Variants in RIPOR3 observed in about 807,000 individuals in gnomAD.
RIPOR3 encodes the protein RIPOR family member 3, also known as family with sequence similarity 65 member C.
Under a neutral mutation model 114.3 loss-of-function variants are expected in RIPOR3, and 95 were observed. The ratio of observed to expected loss-of-function variants is 0.83; its 90% CI spans 0.70 to 0.99. The LOEUF (loss-of-function observed/expected upper bound fraction) is 0.99, where lower values mean the gene tolerates loss of function less well. Among genes scored for constraint, RIPOR3 ranks in the 50% least tolerant of loss-of-function variants. RIPOR3 has a pLI of 0.00. For synonymous variants in RIPOR3, 575 were observed against 543.8 expected (o/e 1.06, Z -0.80); for missense variants, 1,252 against 1,266.9 (o/e 0.99, Z 0.18).
chr20:50,653,126 TATAAAAGGGACCA>T, intron 1 of RIPOR3: 1 of 152,132 alleles, frequency 6.6e-6, no homozygotes, highest in East Asian at 1.9e-4. Context: ...TATAGGGCCA[TATAAAAGGGACCA>T]AGCCCTGATG....
chr20:50,638,280 G>A (rs1184355203), intron 1 of RIPOR3, among the ~76,000 whole-genome samples: 8 of 152,194 alleles, frequency 5.3e-5, no homozygotes, highest in Non-Finnish European at 1.0e-4. Context: ...TGTCCCCTGC[G>A]CTCCACTGTC....
In RIPOR3 at chr20:50,643,002, T is replaced by A. The variant is rs1224525794; in HGVS notation, c.4-12146A>T. ...GGCAGAGGTTGCGGTGAGCCGAGAT[T>A]GCACCATTGCACTCCAGACTGGGCA... is the stretch of plus-strand genomic sequence containing the variant. On this transcript the variant is annotated intron_variant, in intron 1 of 21. Transcript: ENST00000327979. Among the ~76,000 whole-genome samples, 4 of 151,898 alleles carry A rather than the reference T, an allele frequency of 2.6e-5. No individual in the cohort carries two copies. The East Asian group carries it at 7.8e-4, about 30-fold the overall frequency.
intron 3 of RIPOR3, among the ~76,000 whole-genome samples, chr20:50,617,855 T>C (rs1032958751): frequency 6.7e-6 from 1 of 149,926 alleles, no homozygotes; most frequent in Non-Finnish European, 1.5e-5. Context: ...AACTCCTGAA[T>C]TCGTGATCCG....
intron 2 of RIPOR3, among the ~76,000 whole-genome samples, chr20:50,624,008 G>GT (rs147642297): frequency 0.13 from 19,860 of 151,866 alleles, 1,526 homozygotes; most frequent in African/African-American, 0.21. Flanking sequence ...AGTAATTTTT[G>GT]TTTTTTTTAG....
At chr20:50,637,020 G>T in intron 1 of RIPOR3, 2 of 686,292 alleles carry the variant, frequency 2.9e-6, no homozygotes, top group Non-Finnish European at 3.6e-6. Flanking sequence ...GGTTTCGCAT[G>T]AAAGGAAATG....
At chr20:50,651,803 G>T (rs1000198466) in intron 1 of RIPOR3, among the ~76,000 whole-genome samples, 21 of 152,206 alleles carry the variant, frequency 1.4e-4, no homozygotes, top group African/African-American at 4.3e-4. Context: ...TAACACCAAT[G>T]CACCTGTGTT....
chr20:50,625,956 G>A (rs1264588803), intron 2 of RIPOR3, among the ~76,000 whole-genome samples: 2 of 152,256 alleles, frequency 1.3e-5, no homozygotes, highest in Admixed American at 1.3e-4. Context: ...CCTGTCTATA[G>A]TGAAAGGGGT....
rs201227209 is a variant in RIPOR3 at position 50,592,396 on chromosome 20, G to T, written c.2525C>A (p.Ala842Glu). 2 of 1,608,480 alleles carry T rather than the reference G, an allele frequency of 1.2e-6. No individual in the cohort carries two copies. Among genetic ancestry groups the T allele is most frequent in the Non-Finnish European group, 1.7e-6 (2 of 1,176,412 alleles). The change falls in exon 19 of 22, where the codon GCG (alanine) becomes GAG (glutamate). Residue 842 changes from alanine to glutamate, a missense_variant. Transcript: ENST00000327979. ...TGCACCAGCCAGGCGAGCGCTGGCC[G>T]CCCTGCACACCCTCGGAGTGCCGTC... ...QLDGTPRVCR[A>E]ASARLAGAVR...
intron 3 of RIPOR3, among the ~76,000 whole-genome samples, chr20:50,618,152 A>G (rs1403793564): frequency 1.3e-5 from 2 of 151,988 alleles, no homozygotes; most frequent in Non-Finnish European, 2.9e-5. Flanking sequence ...CTGTAGTCCC[A>G]GCTCCTCAGA....
intron 2 of RIPOR3, among the ~76,000 whole-genome samples, chr20:50,625,597 T>G (rs2084590756): frequency 1.3e-5 from 2 of 152,258 alleles, no homozygotes; most frequent in East Asian, 3.9e-4. Flanking sequence ...ACACCCACAC[T>G]TCTTAGCCAT....
At chr20:50,671,792 A>G (rs1407032321) in intron 1 of RIPOR3, among the ~76,000 whole-genome samples, 1 of 151,108 alleles carries the variant, frequency 6.6e-6, no homozygotes, top group East Asian at 1.9e-4. Context: ...GAAGGGATGG[A>G]TGGATGGATG....
At chr20:50,629,362 G>A (rs773866188) in intron 2 of RIPOR3, among the ~76,000 whole-genome samples, 7 of 152,130 alleles carry the variant, frequency 4.6e-5, no homozygotes, top group Non-Finnish European at 7.4e-5. Context: ...TCAGGATGTC[G>A]ATAAACTGCC....
chr20:50,662,911 A>G (rs1461572537), intron 1 of RIPOR3, among the ~76,000 whole-genome samples: 2 of 152,136 alleles, frequency 1.3e-5, no homozygotes, highest in Non-Finnish European at 2.9e-5. Flanking sequence ...CCTGGCCAAC[A>G]TGGTGAAACC....
At chr20:50,589,615 G>A in intron 20 of RIPOR3, 71 bp downstream of exon 20, 1 of 1,509,688 alleles carries the variant, frequency 6.6e-7, no homozygotes, top group Non-Finnish European at 9.1e-7. Context: ...TCATTTTGAA[G>A]TTAACTAACC....
intron 1 of RIPOR3, among the ~76,000 whole-genome samples, chr20:50,659,463 A>G (rs2085923798): frequency 1.3e-5 from 2 of 151,960 alleles, no homozygotes; most frequent in South Asian, 2.1e-4. Flanking sequence ...ACTGGTTAAC[A>G]TGACAAAACC....
intron 2 of RIPOR3, among the ~76,000 whole-genome samples, chr20:50,628,579 G>A (rs1304626390): frequency 6.6e-6 from 1 of 152,036 alleles, no homozygotes; most frequent in Non-Finnish European, 1.5e-5. Flanking sequence ...GTCTCGTCAG[G>A]CTCTCCCAGG....
At chr20:50,609,748 C>A in intron 6 of RIPOR3, 26 bp from the exon 7 acceptor site, 1 of 1,357,512 alleles carries the variant, frequency 7.4e-7, no homozygotes. Context: ...GGGCTGGTGG[C>A]GCTGCCCACG....
chr20:50,670,406 T>C (rs1355235163), intron 1 of RIPOR3, among the ~76,000 whole-genome samples: 1 of 111,964 alleles, frequency 8.9e-6, no homozygotes, highest in Non-Finnish European at 1.6e-5. Flanking sequence ...AGAGAAAAGC[T>C]GGGAGGAGCA....
Position 50,592,465 on chromosome 20 carries a change from T to C in RIPOR3, c.2456A>G (p.Gln819Arg), listed in dbSNP as rs1241219064. The C allele has an allele frequency of 6.2e-7, 1 of 1,611,882 alleles. No individual in the cohort carries two copies. Among genetic ancestry groups the C allele is most frequent in the East Asian group, 2.2e-5 (1 of 44,824 alleles). The change falls in exon 19 of 22, where the codon CAG becomes CGG. Residue 819 changes from glutamine (Q) to arginine (R), a missense_variant. By Grantham distance (43) the Gln-to-Arg change is conservative. Transcript: ENST00000327979. Reference protein sequence around the residue: ...KLQGKRLGQLQPLPQTLRAWA... With the variant: ...KLQGKRLGQLRPLPQTLRAWA... ...GGCTCTTAAGGTCTGGGGCAGAGGC[T>C]GGAGCTGGCCCAGCCGCTTCCCCTG...
Sources: allele counts gnomAD v4.1 joint callset (sites outside exome capture counted in the v4.1 genomes callset), GRCh38; gene constraint gnomAD v4.1.1; transcripts MANE v1.5; gene names NCBI Gene and HGNC (gene_info 2026-07-23, HGNC 2026-07-21).